The following KLF7 variants were observed in gnomAD, a reference collection of about 807,000 sequenced individuals.
KLF7 encodes the protein KLF transcription factor 7, also known as Krueppel-like factor 7.
In KLF7, 2 loss-of-function variants were observed where a neutral mutation model predicts 27.3. The observed-to-expected ratio is 0.07, with a 90% CI of 0.03 to 0.23. KLF7 has a LOEUF of 0.23. Among genes scored for constraint, KLF7 ranks in the 10% least tolerant of loss-of-function variants. The probability of loss-of-function intolerance (pLI) is 1.00; values close to 1 mark genes in which losing one functional copy is unlikely to be tolerated. For missense variants in KLF7, 221 were observed against 394.1 expected, an observed-to-expected ratio of 0.56 and a Z score of 3.72; for synonymous variants, 165 against 162.4, an observed-to-expected ratio of 1.02 and a Z score of -0.12.
chr2:207,087,109 T>G (rs1038285918), intron 3 of KLF7, among the ~76,000 whole-genome samples: 2 of 152,200 alleles, frequency 1.3e-5, no homozygotes, highest in African/African-American at 4.8e-5. Flanking sequence ...ACAGGAGGAC[T>G]TCTAGGTAAT....
At chr2:207,148,148 T>A (rs1314640933) in intron 1 of KLF7, among the ~76,000 whole-genome samples, 2 of 152,222 alleles carry the variant, frequency 1.3e-5, no homozygotes, top group African/African-American at 4.8e-5. Context: ...TAAATCAAAT[T>A]GGTGGCAAAA....
chr2:207,147,952 T>C (rs2078142588), intron 1 of KLF7, among the ~76,000 whole-genome samples: 1 of 152,184 alleles, frequency 6.6e-6, no homozygotes, highest in African/African-American at 2.4e-5. Context: ...TGCAGTGAAC[T>C]TGGAATGTTA....
intron 1 of KLF7, chr2:207,149,139 T>A: frequency 1.6e-6 from 2 of 1,287,764 alleles, no homozygotes; most frequent in Non-Finnish European, 1.0e-6. Flanking sequence ...GTCATGTTGA[T>A]TTCATAGTCA....
At chr2:207,081,285 G>A (rs1223349409) in intron 3 of KLF7, 21 bp from the exon 4 acceptor site, 8 of 1,601,908 alleles carry the variant, frequency 5.0e-6, no homozygotes, top group Non-Finnish European at 5.1e-6. Flanking sequence ...TAAACAACAA[G>A]GATATTAGAG....
At chr2:207,139,653 C>A (rs2077884800) in intron 1 of KLF7, among the ~76,000 whole-genome samples, 1 of 152,168 alleles carries the variant, frequency 6.6e-6, no homozygotes, top group Non-Finnish European at 1.5e-5. Context: ...AACTTCATTT[C>A]ATAAGCTTTT....
intron 1 of KLF7, among the ~76,000 whole-genome samples, chr2:207,157,829 G>A (rs1329258941): frequency 1.3e-5 from 2 of 152,158 alleles, no homozygotes; most frequent in East Asian, 3.8e-4. Context: ...AAAAAGAAAG[G>A]AGTTACAATG....
intron 2 of KLF7, among the ~76,000 whole-genome samples, chr2:207,101,354 T>C (rs766136247): frequency 3.9e-5 from 6 of 152,186 alleles, no homozygotes; most frequent in Non-Finnish European, 5.9e-5. Flanking sequence ...ATATGTTTGA[T>C]AGATGTGTGT....
At chr2:207,116,952 T>C (rs1023171734) in intron 2 of KLF7, among the ~76,000 whole-genome samples, 2 of 152,198 alleles carry the variant, frequency 1.3e-5, no homozygotes, top group African/African-American at 4.8e-5. Flanking sequence ...TTTCAGGCTT[T>C]TGTGTCAAAA....
At chr2:207,111,244 A>G (rs2077029032) in intron 2 of KLF7, among the ~76,000 whole-genome samples, 1 of 152,110 alleles carries the variant, frequency 6.6e-6, no homozygotes. Flanking sequence ...CCCTCCTTGA[A>G]CCATTGTGTG....
At chr2:207,150,393 T>C (rs1164702202) in intron 1 of KLF7, among the ~76,000 whole-genome samples, 2 of 152,078 alleles carry the variant, frequency 1.3e-5, no homozygotes, top group Non-Finnish European at 1.5e-5. Flanking sequence ...ACAGCCCCAC[T>C]GGAACAAATA....
chr2:207,084,295 G>C (rs2076339285), intron 3 of KLF7, among the ~76,000 whole-genome samples: 1 of 152,096 alleles, frequency 6.6e-6, no homozygotes, highest in African/African-American at 2.4e-5. Flanking sequence ...GGAACTCTCG[G>C]GAAATGAGTA....
intron 1 of KLF7, among the ~76,000 whole-genome samples, chr2:207,145,310 T>C (rs1290778798): frequency 1.3e-5 from 2 of 152,226 alleles, no homozygotes; most frequent in Non-Finnish European, 1.5e-5. Flanking sequence ...GAAGAAATAC[T>C]ACAAATACAC....
chr2:207,086,087 A>G (rs1323368455), intron 3 of KLF7, among the ~76,000 whole-genome samples: 3 of 152,184 alleles, frequency 2.0e-5, no homozygotes, highest in Non-Finnish European at 4.4e-5. Flanking sequence ...TGCTTAAGGA[A>G]AGGAAGTCTA....
intron 2 of KLF7, among the ~76,000 whole-genome samples, chr2:207,090,599 G>T (rs757939596): frequency 6.6e-6 from 1 of 152,152 alleles, no homozygotes; most frequent in East Asian, 1.9e-4. Context: ...CCCTGAAATC[G>T]CTGTCAATAA....
At chr2:207,156,833 C>G (rs2106124958) in intron 1 of KLF7, among the ~76,000 whole-genome samples, 1 of 152,324 alleles carries the variant, frequency 6.6e-6, no homozygotes, top group African/African-American at 2.4e-5. Flanking sequence ...TTCCAAATTA[C>G]ACAAGTCATT....
At chr2:207,150,412 C>T (rs1441417865) in intron 1 of KLF7, among the ~76,000 whole-genome samples, 1 of 152,154 alleles carries the variant, frequency 6.6e-6, no homozygotes, top group Non-Finnish European at 1.5e-5. Context: ...TAAAAAGTCA[C>T]TAAGTTCCTG....
chr2:207,173,544 T>C, the KLF7 span: 1 of 152,158 alleles, frequency 6.6e-6, no homozygotes, highest in African/African-American at 2.4e-5. Flanking sequence ...AGAACTCTTA[T>C]TATCTTCTTC....
Position 207,159,507 on chromosome 2 carries a change from C to G in KLF7, c.102+5960G>C, listed in dbSNP as rs114182940. Among the ~76,000 whole-genome samples the G allele has an allele frequency of 5.9e-3, 891 of 152,286 alleles. 15 individuals are homozygous for G. The highest frequency in any genetic ancestry group is 0.02 in the African/African-American group (821 of 41,564). On this transcript the variant is annotated intron_variant, in intron 1 of 3. Transcript: ENST00000309446. ...TGAACATGCTTTCTCTGCCTTACTA[C>G]AGTCAAGCTCCTAGAGGGCAGATTC...
chr2:207,134,175 TA>T, intron 1 of KLF7: 12 of 1,360,474 alleles, frequency 8.8e-6, no homozygotes, highest in African/African-American at 1.5e-5. Context: ...TTTTTTTTTT[TA>T]AAGCAAACTC....
Sources: allele counts gnomAD v4.1 joint callset (sites outside exome capture counted in the v4.1 genomes callset), GRCh38; gene constraint gnomAD v4.1.1; transcripts MANE v1.5; gene names NCBI Gene and HGNC (gene_info 2026-07-23, HGNC 2026-07-21).